The following ARL13B variants were observed in gnomAD, a reference collection of about 807,000 sequenced individuals.
The protein encoded by ARL13B is ADP-ribosylation factor-like protein 13B.
A neutral mutation model predicts 56.1 loss-of-function variants in ARL13B; 36 were observed. The ratio of observed to expected loss-of-function variants is 0.64; its 90% CI spans 0.49 to 0.85. ARL13B has a LOEUF of 0.85. Ranked by LOEUF, ARL13B falls within the 40% of genes least tolerant of loss-of-function variation. The pLI, the probability that ARL13B is intolerant of heterozygous loss-of-function variation, is 0.00. For missense variants in ARL13B, 519 were observed against 507.1 expected (o/e 1.02, Z -0.23); for synonymous variants, 178 against 171.1 (o/e 1.04, Z -0.32).
In ARL13B at chr3:94,054,779, T is replaced by A. The variant is rs2077117973; in HGVS notation, c.*1516T>A. Reference sequence around the variant, plus strand: ...CATGGGACTTAGCAACCACACTGAGTGAGGTAAAAGCATTTGATTTCAGAT... The same window carrying A: ...CATGGGACTTAGCAACCACACTGAGAGAGGTAAAAGCATTTGATTTCAGAT... On this transcript the variant is annotated 3_prime_UTR_variant, in exon 10 of 10. Coordinates refer to ENST00000394222, the MANE Select transcript of ARL13B (RefSeq NM_001174150.2). 2.4e-6 allele frequency: 1 copy of A among 413,244 alleles called. No individual in the cohort carries two copies. The highest frequency in any genetic ancestry group is 2.1e-5 in the African/African-American group (1 of 48,344). The allele number at this position is 413,244 out of a possible 1,614,324, so 25.6% of individuals were successfully genotyped here. A position where few individuals can be genotyped will look rare whatever the true frequency, so the allele number is the denominator to read the frequency against.
chr3:94,003,873 A>G lies in ARL13B; in HGVS notation c.345A>G (p.Leu115=), dbSNP rs371426613. 3.1e-6 allele frequency: 5 copies of G among 1,613,442 alleles called. No individual in the cohort carries two copies. Among genetic ancestry groups the G allele is most frequent in the Non-Finnish European group, 4.2e-6 (5 of 1,179,612 alleles). The change falls in exon 3 of 10, where the codon CTA becomes CTG. Residue 115 remains leucine (L), a synonymous_variant. Transcript: ENST00000394222. ...EETKEAMSEM[L]RHPRISGKPI... ...CAAAAGAGGCTATGTCAGAAATGCT[A>G]AGACATCCTAGGATATCGGGAAAGC...
intron 3 of ARL13B, among the ~76,000 whole-genome samples, chr3:94,006,079 T>C (rs1391452872): frequency 1.3e-5 from 2 of 152,084 alleles, no homozygotes; most frequent in East Asian, 3.9e-4. Flanking sequence ...GGAGGGCAGA[T>C]CACGAGGTCA....
chr3:94,051,443 C>G (rs2077065884), intron 9 of ARL13B, among the ~76,000 whole-genome samples: 1 of 152,008 alleles, frequency 6.6e-6, no homozygotes, highest in South Asian at 2.1e-4. Context: ...ATTAAGAGAA[C>G]AGTTTTCTTT....
chr3:94,036,730 G>A lies in ARL13B; in HGVS notation c.665G>A (p.Arg222Gln), dbSNP rs1478163991. The A allele has an allele frequency of 5.0e-6, 8 of 1,612,872 alleles. No homozygotes were observed. The highest frequency in any genetic ancestry group is 2.2e-5 in the South Asian group (2 of 90,868). ...CAAGAGAAACAAGAAAGAGCTGAACGAGTGCGAAAATTACGAGAAGAAAGG... is the reference window on the plus strand; with the variant it reads ...CAAGAGAAACAAGAAAGAGCTGAACAAGTGCGAAAATTACGAGAAGAAAGG... Reference protein sequence around the residue: ...EEQEKQERAERVRKLREERKQ... With the variant: ...EEQEKQERAEQVRKLREERKQ... The change falls in exon 5 of 10, where the codon CGA (arginine) becomes CAA (glutamine). Residue 222 changes from arginine (R) to glutamine (Q), a missense_variant. Arg to Gln is a conservative substitution (Grantham distance 43). Coordinates refer to ENST00000394222, the MANE Select transcript of ARL13B (RefSeq NM_001174150.2).
intron 7 of ARL13B, among the ~76,000 whole-genome samples, chr3:94,047,503 A>C (rs1576054796): frequency 6.6e-6 from 1 of 152,144 alleles, no homozygotes; most frequent in African/African-American, 2.4e-5. Flanking sequence ...TATAATAATA[A>C]CTAACATTAT....
At chr3:94,025,606 T>C (rs568257801) in intron 3 of ARL13B, among the ~76,000 whole-genome samples, 60 of 152,310 alleles carry the variant, frequency 3.9e-4, no homozygotes, top group Admixed American at 5.9e-4. Context: ...CCTAGCTTCA[T>C]TGGGGAGTTA....
chr3:94,014,754 A>G (rs767552419), intron 3 of ARL13B: 5 of 1,613,310 alleles, frequency 3.1e-6, no homozygotes, highest in Non-Finnish European at 2.5e-6. Flanking sequence ...CTTTTCCAGC[A>G]ACTTCAAGCT....
At chr3:94,001,158 A>T (rs560144820) in intron 2 of ARL13B, among the ~76,000 whole-genome samples, 6 of 152,330 alleles carry the variant, frequency 3.9e-5, no homozygotes, top group Admixed American at 6.5e-5. Context: ...GAATCATCAA[A>T]AAAGGATTTA....
intron 3 of ARL13B, chr3:94,014,882 T>A (rs2076296755): frequency 6.2e-7 from 1 of 1,613,980 alleles, no homozygotes; most frequent in Admixed American, 1.7e-5. Context: ...AGTATCCTTG[T>A]GACCACTGAA....
chr3:94,026,056 G>C (rs1191022070), intron 3 of ARL13B, among the ~76,000 whole-genome samples: 2 of 138,156 alleles, frequency 1.4e-5, no homozygotes, highest in Non-Finnish European at 3.1e-5. Flanking sequence ...GTCTCTCTCT[G>C]TCGCCCAGGC....
chr3:94,052,614 CAG>C (rs1457347438), intron 9 of ARL13B, among the ~76,000 whole-genome samples: 1 of 152,088 alleles, frequency 6.6e-6, no homozygotes, highest in Non-Finnish European at 1.5e-5. Context: ...TATAAAATTA[CAG>C]AGAGTGTTGA....
In ARL13B at chr3:94,002,899, C is replaced by T. The variant is rs546137219; in HGVS notation, c.131-760C>T. On this transcript the variant is annotated intron_variant, in intron 2 of 9. Coordinates refer to ENST00000394222, the MANE Select transcript of ARL13B (RefSeq NM_001174150.2). ...TTACTTTGCCATTTCCCTTCCTCTT[C>T]TGCCTGTTTAAATCCTATACAGCTT... 3.5e-3 allele frequency among the ~76,000 whole-genome samples: 538 copies of T among 152,266 alleles called. 2 individuals carry two copies. Among genetic ancestry groups the T allele is most frequent in the Non-Finnish European group, 4.9e-3 (334 of 68,020 alleles).
At chr3:94,045,133 T>A (rs889167198) in intron 7 of ARL13B, among the ~76,000 whole-genome samples, 1 of 152,188 alleles carries the variant, frequency 6.6e-6, no homozygotes, top group Admixed American at 6.5e-5. Context: ...ATGCTGTTAA[T>A]CTATAACCTT....
chr3:94,034,508 T>A (rs927431587), intron 3 of ARL13B, among the ~76,000 whole-genome samples: 5 of 131,210 alleles, frequency 3.8e-5, no homozygotes, highest in African/African-American at 1.9e-4. Flanking sequence ...TGAGTACAAT[T>A]TTTTTTTTTT....
chr3:93,994,003 G>T (rs2075922057), intron 1 of ARL13B, among the ~76,000 whole-genome samples: 1 of 152,108 alleles, frequency 6.6e-6, no homozygotes, highest in Non-Finnish European at 1.5e-5. Context: ...CACAGCTTCT[G>T]TTTATTTCCC....
rs1280781102 is a variant in ARL13B at position 94,055,588 on chromosome 3, G to A, written c.*2325G>A. ...TTTTATGTATTTAAAAGAGGCTCTT[G>A]TGTGCCTTTATGTGTAAAATGCATA... is the stretch of plus-strand genomic sequence containing the variant. On this transcript the variant is annotated 3_prime_UTR_variant, in exon 10 of 10. Coordinates refer to ENST00000394222, the MANE Select transcript of ARL13B (RefSeq NM_001174150.2). The A allele has an allele frequency of 4.4e-6, 2 of 453,906 alleles. No homozygotes were observed. The highest frequency in any genetic ancestry group is 2.0e-5 in the African/African-American group (1 of 50,098). 28.1% of individuals were successfully genotyped at this position (453,906 alleles called of 1,614,324 possible). A position where few individuals can be genotyped will look rare whatever the true frequency, so the allele number is the denominator to read the frequency against.
chr3:94,014,708 G>GAT, intron 3 of ARL13B: 1 of 1,612,760 alleles, frequency 6.2e-7, no homozygotes, highest in African/African-American at 1.3e-5. Flanking sequence ...CATTTTCCTT[G>GAT]ATGAAGCATA....
chr3:94,030,186 C>T (rs1353546372), intron 3 of ARL13B, among the ~76,000 whole-genome samples: 1 of 151,930 alleles, frequency 6.6e-6, no homozygotes, highest in African/African-American at 2.4e-5. Context: ...TCTGATTGTA[C>T]CTTGTTTTTA....
intron 8 of ARL13B, 66 bp downstream of exon 8, chr3:94,049,588 GAAA>G (rs1238848167): frequency 1.3e-6 from 1 of 772,374 alleles, no homozygotes; most frequent in Non-Finnish European, 1.8e-6. Context: ...AAAAAAAAAA[GAAA>G]AAAGGAATCT....
Sources: gnomAD v4.1 joint callset for allele counts (sites outside exome capture counted in the v4.1 genomes callset) on GRCh38, gnomAD v4.1.1 for gene constraint, MANE v1.5 for transcripts, NCBI Gene and HGNC (gene_info 2026-07-23, HGNC 2026-07-21) for gene names.